Variants in ERMP1 observed in about 807,000 individuals in gnomAD.
ERMP1 encodes the protein Felix-ina.
Under a neutral mutation model 92.0 loss-of-function variants are expected in ERMP1, and 86 were observed. The observed-to-expected ratio is 0.93, with a 90% CI of 0.79 to 1.12. The LOEUF (loss-of-function observed/expected upper bound fraction) is 1.12. ERMP1 is among the 50% of genes most tolerant of loss of function. The pLI is 0.00. For missense variants in ERMP1, 1,342 were observed against 1,116.3 expected (o/e 1.20, Z -2.88); for synonymous variants, 530 against 412.8 (o/e 1.28, Z -3.44).
chr9:5,798,091 G>T (rs534538684), intron 12 of ERMP1, among the ~76,000 whole-genome samples, 159 bp from the exon 13 acceptor site: 39 of 152,284 alleles, frequency 2.6e-4, no homozygotes, highest in Admixed American at 9.8e-4. Context: ...AGGTTATTTT[G>T]TAATAAAACC....
At chr9:5,803,179 C>G (rs1828739100) in intron 10 of ERMP1, among the ~76,000 whole-genome samples, 1 of 152,138 alleles carries the variant, frequency 6.6e-6, no homozygotes, top group African/African-American at 2.4e-5. Context: ...CTCCATTACC[C>G]AAAGAAAACA....
At chr9:5,805,905 C>A in intron 8 of ERMP1, 120 bp from the exon 9 acceptor site, 1 of 711,036 alleles carries the variant, frequency 1.4e-6, no homozygotes, top group South Asian at 2.1e-5. Flanking sequence ...ACACAGTCTG[C>A]TCTTTAAACT....
At chr9:5,792,135 G>A (rs1828223255) in intron 13 of ERMP1, among the ~76,000 whole-genome samples, 2 of 152,294 alleles carry the variant, frequency 1.3e-5, no homozygotes, top group African/African-American at 4.8e-5. Context: ...TGGCTATGCA[G>A]TGCAAAGGGA....
At chr9:5,852,156 G>A (rs1830317683) in intron 6 of ERMP1, among the ~76,000 whole-genome samples, 1 of 152,114 alleles carries the variant, frequency 6.6e-6, no homozygotes, top group South Asian at 2.1e-4. Context: ...ACATTATAAA[G>A]AATGCAGAAT....
chr9:5,841,760 C>G (rs938051505), intron 6 of ERMP1, among the ~76,000 whole-genome samples: 5 of 152,214 alleles, frequency 3.3e-5, no homozygotes, highest in African/African-American at 1.2e-4. Context: ...CAATGTGTGT[C>G]CGGAACTGGT....
intron 12 of ERMP1, 29 bp downstream of exon 12, chr9:5,798,776 TA>T: frequency 6.7e-7 from 1 of 1,487,146 alleles, no homozygotes; most frequent in Non-Finnish European, 9.4e-7. Context: ...GAGAACAAAC[TA>T]ACCTTAAGCA....
chr9:5,859,704 T>G lies in ERMP1; in HGVS notation n.3056-93A>C, dbSNP rs55708699. On this transcript the variant is annotated intron_variant and non_coding_transcript_variant, in intron 5 of 6. Coordinates refer to the ERMP1 transcript ENST00000690753. Reference sequence around the variant, plus strand: ...TAACTATTTCAAAGCCTTAAGTTGTTTCTCACCTTAATGAGGAATTATGTT... The same window carrying G: ...TAACTATTTCAAAGCCTTAAGTTGTGTCTCACCTTAATGAGGAATTATGTT... Among the ~76,000 whole-genome samples, 231 of 152,328 alleles carry G rather than the reference T, an allele frequency of 1.5e-3. 1 individual carries two copies. The highest frequency in any genetic ancestry group is 5.3e-3 in the African/African-American group (222 of 41,566).
intron 4 of ERMP1, among the ~76,000 whole-genome samples, chr9:5,816,739 G>C (rs774874118): frequency 2.0e-5 from 3 of 152,168 alleles, no homozygotes; most frequent in Non-Finnish European, 4.4e-5. Flanking sequence ...ATCAATTGTT[G>C]TAGAATTGAC....
At chr9:5,862,776 C>A (rs957834394) in intron 5 of ERMP1, among the ~76,000 whole-genome samples, 4 of 152,214 alleles carry the variant, frequency 2.6e-5, no homozygotes, top group African/African-American at 9.6e-5. Flanking sequence ...AAGGTGAGTT[C>A]TCATTCCAAA....
intron 8 of ERMP1, among the ~76,000 whole-genome samples, chr9:5,808,831 G>C (rs1586791281): frequency 6.6e-6 from 1 of 152,108 alleles, no homozygotes. Flanking sequence ...TTGATCTCAT[G>C]GGCTCAGGTA....
At chr9:5,801,496 G>T (rs1450368989) in intron 10 of ERMP1, among the ~76,000 whole-genome samples, 168 bp from the exon 11 acceptor site, 3 of 152,120 alleles carry the variant, frequency 2.0e-5, no homozygotes, top group African/African-American at 7.2e-5. Flanking sequence ...CTAACTCTAG[G>T]AGATTTCCAT....
intron 12 of ERMP1, 83 bp from the exon 13 acceptor site, chr9:5,798,015 G>C: frequency 1.2e-6 from 1 of 847,400 alleles, no homozygotes; most frequent in Non-Finnish European, 2.0e-6. Context: ...CAGCATATAT[G>C]AACACATTTT....
chr9:5,849,377 T>C (rs1441694616), intron 6 of ERMP1, among the ~76,000 whole-genome samples: 2 of 152,296 alleles, frequency 1.3e-5, no homozygotes, highest in South Asian at 4.1e-4. Context: ...CAGATACTAA[T>C]CTAGCACCTT....
intron 4 of ERMP1, among the ~76,000 whole-genome samples, chr9:5,818,913 G>C (rs1442903331): frequency 2.6e-5 from 4 of 152,052 alleles, no homozygotes; most frequent in Admixed American, 2.0e-4. Flanking sequence ...TCAGCACTGG[G>C]CATTATCATT....
upstream of ERMP1, chr9:5,833,145 C>A: frequency 2.1e-6 from 2 of 938,044 alleles, no homozygotes; most frequent in South Asian, 2.1e-5. Context: ...TGCAGAGGGC[C>A]AAACTTCTTC....
chr9:5,863,805 T>C (rs779514661), intron 5 of ERMP1, among the ~76,000 whole-genome samples: 1 of 152,230 alleles, frequency 6.6e-6, no homozygotes, highest in African/African-American at 2.4e-5. Flanking sequence ...TTAACAAAAA[T>C]GGGAACATTC....
intron 8 of ERMP1, among the ~76,000 whole-genome samples, chr9:5,806,495 T>C (rs1479179750): frequency 2.0e-5 from 3 of 151,840 alleles, no homozygotes; most frequent in African/African-American, 7.3e-5. Context: ...TGGTGCGATC[T>C]CGGCCCACTG....
At chr9:5,827,327 GACACTA>G (rs766816087) in intron 2 of ERMP1, among the ~76,000 whole-genome samples, 4 of 151,878 alleles carry the variant, frequency 2.6e-5, no homozygotes, top group Admixed American at 6.6e-5. Context: ...ACATATAAAA[GACACTA>G]ACACTAACAA....
intron 6 of ERMP1, 96 bp from the exon 7 acceptor site, chr9:5,811,419 G>A: frequency 1.1e-6 from 1 of 879,492 alleles, no homozygotes; most frequent in Non-Finnish European, 1.7e-6. Flanking sequence ...ATTTAAAGCA[G>A]AAATAAACCA....
Sources: gnomAD v4.1 joint callset for allele counts (sites outside exome capture counted in the v4.1 genomes callset) on GRCh38, gnomAD v4.1.1 for gene constraint, MANE v1.5 for transcripts, NCBI Gene and HGNC (gene_info 2026-07-23, HGNC 2026-07-21) for gene names.